POC5: variants seen among roughly 807,000 people sequenced by gnomAD.
POC5 encodes the protein POC5 centriolar protein, also known as centrosomal protein POC5.
A neutral mutation model predicts 62.9 loss-of-function variants in POC5; 48 were observed. The ratio of observed to expected loss-of-function variants is 0.76; its 90% CI spans 0.61 to 0.97. The LOEUF is 0.97. Among genes scored for constraint, POC5 ranks in the 50% least tolerant of loss-of-function variants. The pLI, the probability that POC5 is intolerant of heterozygous loss-of-function variation, is 0.00. For synonymous variants in POC5, 236 were observed against 228.2 expected, an observed-to-expected ratio of 1.03 and a Z score of -0.31; for missense variants, 696 against 679.5, an observed-to-expected ratio of 1.02 and a Z score of -0.27.
At chr5:75,715,136 C>G (rs535260591) in intron 1 of POC5, among the ~76,000 whole-genome samples, 2 of 152,026 alleles carry the variant, frequency 1.3e-5, no homozygotes, top group South Asian at 4.2e-4. Flanking sequence ...CACGGTGAAA[C>G]CCCGTCTCCA....
rs777092634 is a variant in POC5 at position 75,674,588 on chromosome 5, C to A, written c.1585-10G>T. 1.2e-6 allele frequency: 2 copies of A among 1,613,018 alleles called. No individual in the cohort carries two copies. The highest frequency in any genetic ancestry group is 1.7e-6 in the Non-Finnish European group (2 of 1,179,364). On this transcript the variant is annotated splice_polypyrimidine_tract_variant and intron_variant, in intron 11 of 11. Transcript: ENST00000428202. ...CTTGAGGAATGGTTTGCTGAAAAGA[C>A]AAAATTCTGCTTTAATAATATCCCA...
chr5:75,706,430 A>G (rs1777123197), intron 3 of POC5, among the ~76,000 whole-genome samples: 1 of 152,208 alleles, frequency 6.6e-6, no homozygotes, highest in African/African-American at 2.4e-5. Flanking sequence ...TTACTATATA[A>G]CGTATGTTTT....
chr5:75,712,794 C>T (rs1777403729), intron 2 of POC5, 60 bp downstream of exon 2: 2 of 1,247,220 alleles, frequency 1.6e-6, no homozygotes, highest in South Asian at 2.8e-5. Context: ...CCTAGTTTTC[C>T]CTTACATTCA....
At chr5:75,706,144 C>T (rs1777110639) in intron 3 of POC5, among the ~76,000 whole-genome samples, 1 of 152,206 alleles carries the variant, frequency 6.6e-6, no homozygotes, top group South Asian at 2.1e-4. Flanking sequence ...CGCTGCTTTT[C>T]ACTAGCCACA....
intron 4 of POC5, among the ~76,000 whole-genome samples, chr5:75,703,959 G>A (rs960534127): frequency 1.3e-5 from 2 of 151,930 alleles, no homozygotes. Flanking sequence ...TTCAAGACCA[G>A]CCTGGCCAAC....
intron 10 of POC5, among the ~76,000 whole-genome samples, chr5:75,681,054 C>T (rs1224680990): frequency 6.6e-6 from 1 of 151,972 alleles, no homozygotes; most frequent in Admixed American, 6.6e-5. Context: ...TTTTAAGCCA[C>T]ATCAACATAA....
chr5:75,674,730 A>AT (rs1315663682), intron 11 of POC5, among the ~76,000 whole-genome samples, 152 bp from the exon 12 acceptor site: 1 of 152,188 alleles, frequency 6.6e-6, no homozygotes, highest in African/African-American at 2.4e-5. Flanking sequence ...TGTTAATTAG[A>AT]TGAGGCCTTT....
chr5:75,702,496 C>T (rs1776929129), intron 5 of POC5, 109 bp downstream of exon 5: 2 of 1,079,188 alleles, frequency 1.9e-6, no homozygotes, highest in Middle Eastern at 4.1e-4. Context: ...TCTCAGGAAA[C>T]AAAAGATTTT....
chr5:75,715,337 C>T (rs1392443707), intron 1 of POC5, among the ~76,000 whole-genome samples: 1 of 147,486 alleles, frequency 6.8e-6, no homozygotes, highest in Admixed American at 6.7e-5. Context: ...AAAAGAACTG[C>T]CCAAAACTGG....
chr5:75,682,517 C>CTTTTTTTTTT (rs3041691), intron 10 of POC5, among the ~76,000 whole-genome samples: 2 of 134,684 alleles, frequency 1.5e-5, no homozygotes, highest in African/African-American at 2.8e-5. Flanking sequence ...TTATTTCTTT[C>CTTTTTTTTTT]TTTTTTTTTT....
intron 10 of POC5, among the ~76,000 whole-genome samples, chr5:75,683,796 T>G (rs1301162679): frequency 6.6e-6 from 1 of 151,744 alleles, no homozygotes; most frequent in Non-Finnish European, 1.5e-5. Flanking sequence ...CTTGAACTCT[T>G]GGGCTCAAGC....
At chr5:75,680,391 C>A (rs1775822982) in intron 10 of POC5, among the ~76,000 whole-genome samples, 1 of 151,980 alleles carries the variant, frequency 6.6e-6, no homozygotes, top group African/African-American at 2.4e-5. Context: ...TTCATTCAAC[C>A]CAGCTCAGAA....
At position 75,677,799 on chromosome 5, in the gene POC5, A is replaced by G; in HGVS notation, c.1559T>C (p.Val520Ala). The G allele has an allele frequency of 6.2e-7, 1 of 1,609,202 alleles. No homozygotes were observed. Among genetic ancestry groups the G allele is most frequent in the Non-Finnish European group, 8.5e-7 (1 of 1,177,962 alleles). Reference protein sequence around the residue: ...GVSPPMSSVVVEKHHPVTVQT... With the variant: ...GVSPPMSSVVAEKHHPVTVQT... Reference sequence around the variant, plus strand: ...CACTGTGACTGGATGATGTTTTTCCACAACAACTGAGCTCATGGGAGGAGA... The same window carrying G: ...CACTGTGACTGGATGATGTTTTTCCGCAACAACTGAGCTCATGGGAGGAGA... The change falls in exon 11 of 12, where the codon GTG becomes GCG. Residue 520 changes from valine to alanine, a missense_variant. Val to Ala is a moderately conservative substitution (Grantham distance 64). Transcript: ENST00000428202.
intron 7 of POC5, among the ~76,000 whole-genome samples, chr5:75,691,316 A>G (rs1401362026): frequency 5.3e-5 from 8 of 152,232 alleles, no homozygotes; most frequent in Non-Finnish European, 1.2e-4. Flanking sequence ...AAATCCAGAA[A>G]GTATTCTTAA....
At chr5:75,686,152 A>C (rs1295018532) in intron 9 of POC5, among the ~76,000 whole-genome samples, 1 of 152,190 alleles carries the variant, frequency 6.6e-6, no homozygotes, top group African/African-American at 2.4e-5. Context: ...CTGAACCTTA[A>C]TCTTGATCTA....
chr5:75,690,203 C>T (rs1192352499), intron 8 of POC5, among the ~76,000 whole-genome samples, 180 bp downstream of exon 8: 3 of 152,268 alleles, frequency 2.0e-5, no homozygotes. Context: ...CTATACAACT[C>T]CTTATATCAA....
chr5:75,708,626 TTAAC>T (rs918525664), intron 2 of POC5, among the ~76,000 whole-genome samples: 22 of 152,364 alleles, frequency 1.4e-4, no homozygotes, highest in African/African-American at 5.3e-4. Flanking sequence ...ACTGTTTTTA[TTAAC>T]TGATTGCATT....
In POC5 at chr5:75,705,713, TTGAA is replaced by T; in HGVS notation, c.294_297del (p.His98GlnfsTer28). On this transcript the variant is annotated frameshift_variant, in exon 4 of 12. Transcript: ENST00000428202. LOFTEE classifies it high-confidence loss of function. Reference sequence around the variant, plus strand: ...TAAAGAAAAATCATACCATCTGTCTTTGAATGACTTGAAATATGGAAATCACATC... The same window carrying T: ...TAAAGAAAAATCATACCATCTGTCTTTGACTTGAAATATGGAAATCACATC... 1.3e-6 allele frequency: 2 copies of T among 1,535,766 alleles called. No homozygotes were observed. Among genetic ancestry groups the T allele is most frequent in the Non-Finnish European group, 1.8e-6 (2 of 1,139,524 alleles).
chr5:75,712,247 ATG>A, intron 2 of POC5: 2 of 1,174,490 alleles, frequency 1.7e-6, no homozygotes, highest in Non-Finnish European at 2.5e-6. Context: ...AAGATATACC[ATG>A]TCATTATTCT....
Sources: gnomAD v4.1 joint callset for allele counts (sites outside exome capture counted in the v4.1 genomes callset) on GRCh38, gnomAD v4.1.1 for gene constraint, MANE v1.5 for transcripts, NCBI Gene and HGNC (gene_info 2026-07-23, HGNC 2026-07-21) for gene names.